Variants in MYO18B observed in about 807,000 individuals in gnomAD.
MYO18B encodes the protein myosin XVIIIB.
MYO18B carries 204 observed loss-of-function variants against 273.0 expected under a neutral mutation model. The observed-to-expected ratio is 0.75, with a 90% CI of 0.67 to 0.84. The LOEUF is 0.84. Ranked by LOEUF, MYO18B falls within the 40% of genes least tolerant of loss-of-function variation. The pLI is 0.00. For synonymous variants in MYO18B, 1,330 were observed against 1,305.7 expected, an observed-to-expected ratio of 1.02 and a Z score of -0.40; for missense variants, 3,212 against 3,287.6, an observed-to-expected ratio of 0.98 and a Z score of 0.56.
rs1427642456 is a variant in MYO18B at position 25,826,395 on chromosome 22, G to T, written c.2696-14G>T. ...ATCCCTAACCAAGAATGCTGATTCT[G>T]TCCTCTTTCCCAGGGCTCAAGATGA... On this transcript the variant is annotated splice_polypyrimidine_tract_variant and intron_variant, in intron 13 of 43. Coordinates refer to ENST00000335473, the MANE Select transcript of MYO18B (RefSeq NM_032608.7). 1.9e-6 allele frequency: 3 copies of T among 1,606,038 alleles called. No homozygotes were observed. Among genetic ancestry groups the T allele is most frequent in the Non-Finnish European group, 1.7e-6 (2 of 1,175,834 alleles).
chr22:25,801,606 A>T (rs563449603), intron 12 of MYO18B, among the ~76,000 whole-genome samples: 1 of 152,228 alleles, frequency 6.6e-6, no homozygotes, highest in East Asian at 1.9e-4. Flanking sequence ...CATCCGTCTC[A>T]TTTTATAGAC....
intron 18 of MYO18B, among the ~76,000 whole-genome samples, chr22:25,844,619 GC>G (rs1217296212): frequency 6.6e-6 from 1 of 152,176 alleles, no homozygotes; most frequent in Non-Finnish European, 1.5e-5. Flanking sequence ...AAAAATTGAG[GC>G]CCCGAGCAGT....
chr22:25,879,590 C>A (rs2091284955), intron 25 of MYO18B, among the ~76,000 whole-genome samples: 1 of 152,060 alleles, frequency 6.6e-6, no homozygotes, highest in African/African-American at 2.4e-5. Flanking sequence ...GTATTGATTT[C>A]ATGGGCTGGG....
chr22:25,908,298 G>T, intron 31 of MYO18B, 24 bp from the exon 32 acceptor site: 1 of 1,552,208 alleles, frequency 6.4e-7, no homozygotes, highest in Non-Finnish European at 8.7e-7. Flanking sequence ...TCACCCTCAC[G>T]TGCTGTCCTT....
intron 18 of MYO18B, 46 bp from the exon 19 acceptor site, chr22:25,846,054 C>A: frequency 6.9e-7 from 1 of 1,448,448 alleles, no homozygotes. Flanking sequence ...AAGGCTTTCC[C>A]AAGAACCTCC....
intron 39 of MYO18B, among the ~76,000 whole-genome samples, chr22:25,973,215 A>G (rs1348043948): frequency 6.6e-6 from 1 of 152,212 alleles, no homozygotes; most frequent in Non-Finnish European, 1.5e-5. Flanking sequence ...GAGTGAACCC[A>G]TGAAACATTC....
At chr22:26,034,520 G>A (rs1048941675), downstream of MYO18B, among the ~76,000 whole-genome samples, 11 of 152,138 alleles carry the variant, frequency 7.2e-5, no homozygotes, top group Non-Finnish European at 1.5e-5. Flanking sequence ...GCAGTAAATG[G>A]TGGCATCATT....
At chr22:25,798,140 C>G (rs1055215565) in intron 12 of MYO18B, 43 bp downstream of exon 12, 3 of 1,556,056 alleles carry the variant, frequency 1.9e-6, no homozygotes, top group Non-Finnish European at 2.6e-6. Flanking sequence ...GCAGCTGTCT[C>G]CTTTGGCAGG....
At chr22:25,770,045 G>C (rs778517387) in intron 4 of MYO18B, 65 bp from the exon 5 acceptor site, 4 of 1,539,944 alleles carry the variant, frequency 2.6e-6, no homozygotes, top group Non-Finnish European at 3.6e-6. Context: ...AGAAACCCCC[G>C]TGTAAGGTAG....
the MYO18B span, among the ~76,000 whole-genome samples, chr22:26,051,657 T>G: frequency 1.3e-5 from 2 of 152,222 alleles, no homozygotes; most frequent in Admixed American, 1.3e-4. Flanking sequence ...GAAAAATGTT[T>G]CCTTCGTACT....
intron 39 of MYO18B, among the ~76,000 whole-genome samples, chr22:25,963,176 T>TCA (rs769492850): frequency 1.7e-4 from 25 of 147,378 alleles, no homozygotes; most frequent in African/African-American, 6.0e-4. Flanking sequence ...TCTCTCTCTC[T>TCA]CTCACACACA....
At chr22:25,954,321 A>C (rs1439919199) in intron 38 of MYO18B, among the ~76,000 whole-genome samples, 1 of 152,174 alleles carries the variant, frequency 6.6e-6, no homozygotes, top group African/African-American at 2.4e-5. Context: ...ATGAGAAATT[A>C]TCTGAACACC....
At chr22:25,850,165 C>G (rs5752232) in intron 20 of MYO18B, among the ~76,000 whole-genome samples, 53,390 of 152,036 alleles carry the variant, frequency 0.35, 10,101 homozygotes, top group East Asian at 0.68. Context: ...GCTGTTCTTC[C>G]TAGTTGATGC....
At chr22:25,999,642 T>TCTCCTC in intron 40 of MYO18B, among the ~76,000 whole-genome samples, 1 of 79,912 alleles carries the variant, frequency 1.3e-5, no homozygotes, top group South Asian at 3.7e-4. Flanking sequence ...CCTCCTCCTT[T>TCTCCTC]CTCCTCCTTC....
chr22:25,876,001 C>A (rs929411575), intron 23 of MYO18B, among the ~76,000 whole-genome samples, 188 bp from the exon 24 acceptor site: 6 of 131,634 alleles, frequency 4.6e-5, no homozygotes, highest in Non-Finnish European at 9.6e-5. Flanking sequence ...AGAAAGGAAG[C>A]CCGTGTGTGT....
At chr22:25,787,681 A>C (rs939895647) in intron 11 of MYO18B, among the ~76,000 whole-genome samples, 1 of 152,130 alleles carries the variant, frequency 6.6e-6, no homozygotes, top group Admixed American at 6.5e-5. Context: ...AACAAGCTGG[A>C]ATGAGAATGA....
intron 12 of MYO18B, among the ~76,000 whole-genome samples, chr22:25,817,862 A>G (rs760652266): frequency 1.3e-5 from 2 of 152,232 alleles, no homozygotes; most frequent in Non-Finnish European, 2.9e-5. Context: ...CCATAGAACA[A>G]CCACTACAAG....
the MYO18B span, among the ~76,000 whole-genome samples, chr22:26,043,410 G>A: frequency 3.7e-3 from 557 of 152,024 alleles, 7 homozygotes; most frequent in South Asian, 0.05. Flanking sequence ...GTTACTGTTG[G>A]GTAAATACCT....
rs559332723 is a variant in MYO18B at position 25,744,722 on chromosome 22, G to T, written c.-110+2429G>T. Among the ~76,000 whole-genome samples, 12 of 152,196 alleles carry T rather than the reference G, an allele frequency of 7.9e-5. No homozygotes were observed. In the South Asian group the frequency reaches 2.5e-3, roughly 32 times the overall value. On this transcript the variant is annotated intron_variant, in intron 1 of 43. Transcript: ENST00000335473. ...GCACTCCAGCCTGGGGACAGAGAGA[G>T]ACTCCGTCTCAAAAATAAAAATAAA...
Sources: allele counts gnomAD v4.1 joint callset (sites outside exome capture counted in the v4.1 genomes callset), GRCh38; gene constraint gnomAD v4.1.1; transcripts MANE v1.5; gene names NCBI Gene and HGNC (gene_info 2026-07-23, HGNC 2026-07-21).